MED27: variants seen among roughly 807,000 people sequenced by gnomAD.
MED27 encodes mediator complex subunit 27.
Under a neutral mutation model 38.2 loss-of-function variants are expected in MED27, and 30 were observed. That is an observed-to-expected ratio of 0.79 (90% confidence interval 0.59 to 1.07). MED27 has a LOEUF of 1.07. Among genes scored for constraint, MED27 ranks in the 50% least tolerant of loss-of-function variants. The probability of loss-of-function intolerance (pLI) is 0.00; values close to 1 mark genes in which losing one functional copy is unlikely to be tolerated. For missense variants in MED27, 289 were observed against 397.5 expected, an observed-to-expected ratio of 0.73 and a Z score of 2.32; for synonymous variants, 122 against 153.5, an observed-to-expected ratio of 0.79 and a Z score of 1.52.
intron 5 of MED27, among the ~76,000 whole-genome samples, chr9:131,885,572 T>C (rs1479799937): frequency 6.6e-6 from 1 of 152,122 alleles, no homozygotes; most frequent in Non-Finnish European, 1.5e-5. Context: ...AGTTGGCATG[T>C]GGGTAGGGCT....
At chr9:132,079,620 G>C (rs1309622952) in intron 1 of MED27, 22 bp downstream of exon 1, 1 of 1,610,302 alleles carries the variant, frequency 6.2e-7, no homozygotes, top group East Asian at 2.2e-5. Context: ...CCCCGACCCC[G>C]GCCCCTTCAG....
intron 4 of MED27, among the ~76,000 whole-genome samples, chr9:131,937,120 C>T (rs1830699604): frequency 2.6e-5 from 4 of 152,174 alleles, no homozygotes; most frequent in Admixed American, 2.6e-4. Flanking sequence ...GCTCCCCCTC[C>T]AGGTAGGAAT....
At chr9:131,916,868 A>G (rs1023685512) in intron 4 of MED27, among the ~76,000 whole-genome samples, 2 of 152,326 alleles carry the variant, frequency 1.3e-5, no homozygotes, top group African/African-American at 4.8e-5. Flanking sequence ...CTTTGCACAC[A>G]GCACACCCCT....
At chr9:132,053,984 C>A (rs1338183124) in intron 2 of MED27, among the ~76,000 whole-genome samples, 1 of 150,818 alleles carries the variant, frequency 6.6e-6, no homozygotes, top group African/African-American at 2.4e-5. Context: ...CTTCTTAAAA[C>A]AAATGTATTC....
At chr9:131,957,693 C>T (rs1240149620) in intron 3 of MED27, among the ~76,000 whole-genome samples, 1 of 152,016 alleles carries the variant, frequency 6.6e-6, no homozygotes, top group South Asian at 2.1e-4. Flanking sequence ...ATATACAATG[C>T]CTGAACAACT....
chr9:131,887,392 G>A (rs1839157659), intron 5 of MED27, among the ~76,000 whole-genome samples: 4 of 152,092 alleles, frequency 2.6e-5, no homozygotes, highest in Admixed American at 1.3e-4. Context: ...TAGATAATAC[G>A]GTCTATTTAC....
chr9:131,981,152 T>G (rs1005940216), intron 3 of MED27, among the ~76,000 whole-genome samples: 3 of 152,250 alleles, frequency 2.0e-5, no homozygotes, highest in Admixed American at 2.0e-4. Flanking sequence ...TTCAGAGCTG[T>G]TGGCTAGAAG....
At chr9:131,887,490 C>T (rs1839160272) in intron 5 of MED27, among the ~76,000 whole-genome samples, 1 of 152,136 alleles carries the variant, frequency 6.6e-6, no homozygotes, top group Non-Finnish European at 1.5e-5. Context: ...ACTTGATTTT[C>T]TGCTAGATTT....
chr9:132,026,961 C>A (rs903339011), intron 2 of MED27, among the ~76,000 whole-genome samples: 2 of 152,148 alleles, frequency 1.3e-5, no homozygotes, highest in Non-Finnish European at 2.9e-5. Flanking sequence ...GACTGGTATC[C>A]GGGGAGCCTG....
chr9:131,868,125 T>C (rs1589169297), intron 6 of MED27, among the ~76,000 whole-genome samples: 1 of 152,010 alleles, frequency 6.6e-6, no homozygotes, highest in South Asian at 2.1e-4. Flanking sequence ...GGAGTGGGGG[T>C]TTTTCCTTAT....
At chr9:131,897,021 C>T (rs914587462) in intron 4 of MED27, among the ~76,000 whole-genome samples, 4 of 152,264 alleles carry the variant, frequency 2.6e-5, no homozygotes, top group Non-Finnish European at 4.4e-5. Flanking sequence ...CAAGCCACCA[C>T]GCCCAGTCAT....
intron 2 of MED27, among the ~76,000 whole-genome samples, chr9:132,058,235 C>G (rs534199317): frequency 6.6e-6 from 1 of 152,296 alleles, no homozygotes; most frequent in South Asian, 2.1e-4. Context: ...TCCTACCTCA[C>G]AGAGAGATGG....
intron 4 of MED27, among the ~76,000 whole-genome samples, chr9:131,930,023 G>A (rs546926221): frequency 2.7e-5 from 4 of 150,842 alleles, no homozygotes; most frequent in African/African-American, 7.5e-5. Flanking sequence ...AGCTCCAGGT[G>A]GCTTAGCACA....
chr9:131,874,899 C>T (rs1176308885), intron 6 of MED27, among the ~76,000 whole-genome samples: 1 of 152,178 alleles, frequency 6.6e-6, no homozygotes, highest in East Asian at 1.9e-4. Context: ...GCCCTGCAGT[C>T]AGAGAAACAT....
At chr9:131,885,200 C>T (rs1839117160) in intron 5 of MED27, among the ~76,000 whole-genome samples, 1 of 152,178 alleles carries the variant, frequency 6.6e-6, no homozygotes, top group Non-Finnish European at 1.5e-5. Context: ...CATGTAATCC[C>T]CAGAACTGGC....
At chr9:131,971,378 T>G (rs1831472983) in intron 3 of MED27, among the ~76,000 whole-genome samples, 1 of 151,194 alleles carries the variant, frequency 6.6e-6, no homozygotes, top group African/African-American at 2.4e-5. Context: ...GAGAGGGAGG[T>G]GGAAGGCGAT....
At chr9:132,042,730 A>C (rs959656583) in intron 2 of MED27, among the ~76,000 whole-genome samples, 2 of 152,158 alleles carry the variant, frequency 1.3e-5, no homozygotes, top group African/African-American at 4.8e-5. Flanking sequence ...CTGTGACCTG[A>C]ATGTTGATGT....
chr9:131,907,499 C>G (rs553157627), intron 4 of MED27, among the ~76,000 whole-genome samples: 1 of 152,350 alleles, frequency 6.6e-6, no homozygotes, highest in African/African-American at 2.4e-5. Flanking sequence ...GGATTGCAGA[C>G]GTAGCCTCGT....
At chr9:132,040,143 C>T (rs1833175226) in intron 2 of MED27, among the ~76,000 whole-genome samples, 1 of 152,192 alleles carries the variant, frequency 6.6e-6, no homozygotes, top group Non-Finnish European at 1.5e-5. Context: ...AATTGATGAC[C>T]TGTGAGATTT....
Sources: allele counts gnomAD v4.1 joint callset (sites outside exome capture counted in the v4.1 genomes callset), GRCh38; gene constraint gnomAD v4.1.1; transcripts MANE v1.5; gene names NCBI Gene and HGNC (gene_info 2026-07-23, HGNC 2026-07-21).